The following NMI variants were observed in gnomAD, a reference collection of about 807,000 sequenced individuals.
The protein encoded by NMI is N-myc-interactor.
In NMI, 39 loss-of-function variants were observed where a neutral mutation model predicts 34.3. That is an observed-to-expected ratio of 1.14 (90% CI 0.88 to 1.49). The LOEUF is 1.49. NMI is among the 40% of genes most tolerant of loss of function. NMI has a pLI of 0.00. For synonymous variants in NMI, 113 were observed against 120.3 expected (o/e 0.94, Z 0.40); for missense variants, 339 against 358.1 (o/e 0.95, Z 0.43).
intron 1 of NMI, among the ~76,000 whole-genome samples, chr2:151,287,348 C>T (rs1401804438): frequency 6.6e-6 from 1 of 151,382 alleles, no homozygotes; most frequent in Admixed American, 6.6e-5. Context: ...CACACACACA[C>T]GCATACATAT....
At chr2:151,273,718 C>T (rs1034811276) in intron 6 of NMI, among the ~76,000 whole-genome samples, 6 of 151,906 alleles carry the variant, frequency 3.9e-5, no homozygotes, top group African/African-American at 1.5e-4. Flanking sequence ...GAAGGGGTCT[C>T]GCGATGTTGG....
chr2:151,275,549 T>A lies in NMI; in HGVS notation c.569A>T (p.Glu190Val). The A allele has an allele frequency of 6.2e-7, 1 of 1,614,176 alleles. No individual in the cohort carries two copies. The highest frequency in any genetic ancestry group is 1.7e-5 in the Admixed American group (1 of 60,016). The change falls in exon 6 of 8, where the codon GAG becomes GTG. Residue 190 changes from glutamate (E) to valine (V), a missense_variant. Coordinates refer to ENST00000243346, the MANE Select transcript of NMI (RefSeq NM_004688.3). ...TCTGTCATAGTCCACGCGGTCCACCTCTCCGCCTCCATTTCGGGACTTTGA... is the reference window on the plus strand; with the variant it reads ...TCTGTCATAGTCCACGCGGTCCACCACTCCGCCTCCATTTCGGGACTTTGA... Reference protein sequence around the residue: ...SFSKSRNGGGEVDRVDYDRQS... With the variant: ...SFSKSRNGGGVVDRVDYDRQS...
At position 151,278,926 on chromosome 2, in the gene NMI, C is replaced by T; in HGVS notation, c.242G>A (p.Ser81Asn). 6.2e-7 allele frequency: 1 copy of T among 1,611,284 alleles called. No individual in the cohort carries two copies. Among genetic ancestry groups the T allele is most frequent in the Non-Finnish European group, 8.5e-7 (1 of 1,177,674 alleles). Residue 81 changes from serine (S) to asparagine (N), a missense_variant, in exon 4 of 8, where the codon AGC (serine) becomes AAC (asparagine). Physicochemically the swap from Ser to Asn is conservative, Grantham distance 46. Transcript: ENST00000243346. ...CGAACAGGAGATATTTGACAACTGGCTGTCATTCTCAGGAGTTTCAACTGA... is the reference window on the plus strand; with the variant it reads ...CGAACAGGAGATATTTGACAACTGGTTGTCATTCTCAGGAGTTTCAACTGA... ...FLSVETPEND[S>N]QLSNISCSFQ...
In NMI at chr2:151,271,563, TA is replaced by T. The variant is rs992361337; in HGVS notation, c.741+62del. 3.2e-4 allele frequency: 273 copies of T among 849,350 alleles called. 1 individual carries two copies. The African/African-American group carries it at 4.2e-3, about 13-fold the overall frequency. 52.6% of individuals were successfully genotyped at this position (849,350 alleles called of 1,614,324 possible). A position where few individuals can be genotyped will look rare whatever the true frequency, so the allele number is the denominator to read the frequency against. On this transcript the variant is annotated intron_variant, in intron 7 of 7. Transcript: ENST00000243346. ...ATAAGTAACAGACTCACAACAACTT[TA>T]TTTTTTGTGGGGTGGGTTTGGGCAG...
Position 151,281,985 on chromosome 2 carries a change from A to C in NMI, c.140T>G (p.Leu47Arg), listed in dbSNP as rs751566737. 5.1e-6 allele frequency: 8 copies of C among 1,564,552 alleles called. No individual in the cohort carries two copies. The highest frequency in any genetic ancestry group is 1.7e-5 in the Admixed American group (1 of 58,800). The change falls in exon 3 of 8, where the codon CTT becomes CGT. Residue 47 changes from leucine to arginine, a missense_variant. Transcript: ENST00000243346. ...GGTAGCCTCTTGTAACTCCGTTTCA[A>C]GCTTTTGGATCTCCTTCTTTAGTTG... ...NIQLKKEIQK[L>R]ETELQEATKE...
chr2:151,280,215 T>C (rs1683364341), intron 3 of NMI, among the ~76,000 whole-genome samples: 1 of 87,546 alleles, frequency 1.1e-5, no homozygotes, highest in African/African-American at 4.5e-5. Flanking sequence ...AATTGTAACC[T>C]GAAAGATAAA....
Position 151,279,099 on chromosome 2 carries a change from A to C in NMI, c.178-109T>G, listed in dbSNP as rs994883379. 7.2e-6 allele frequency: 5 copies of C among 696,152 alleles called. No homozygotes were observed. In the South Asian group the frequency reaches 9.8e-5, roughly 14 times the overall value. 43.1% of individuals were successfully genotyped at this position (696,152 alleles called of 1,614,324 possible). On this transcript the variant is annotated intron_variant, in intron 3 of 7. Transcript: ENST00000243346. ...ATAATTCATTCCCCACTAATTTTAG[A>C]ACCTTGTAGAATATTGAGTATGGTC...
At chr2:151,289,245 T>C (rs1573751041) in intron 1 of NMI, among the ~76,000 whole-genome samples, 3 of 73,028 alleles carry the variant, frequency 4.1e-5, no homozygotes, top group African/African-American at 6.0e-5. Context: ...AGAGCGAGAC[T>C]CCGTCTCAAA....
Position 151,275,422 on chromosome 2 carries a change from A to T in NMI, c.634+62T>A, listed in dbSNP as rs527495574. The T allele has an allele frequency of 1.5e-5, 22 of 1,423,588 alleles. No individual in the cohort carries two copies. The African/African-American group carries it at 2.6e-4, about 17-fold the overall frequency. The allele number at this position is 1,423,588 out of a possible 1,614,324, so 88.2% of individuals were successfully genotyped here. ...AAAGAAGTAGAATAGGAATACTTTC[A>T]GAAACAACAGAACATGACTGAAATG... On this transcript the variant is annotated intron_variant, in intron 6 of 7. Coordinates refer to ENST00000243346, the MANE Select transcript of NMI (RefSeq NM_004688.3).
intron 7 of NMI, 61 bp downstream of exon 7, chr2:151,271,565 T>G: frequency 1.2e-6 from 1 of 856,628 alleles, no homozygotes. Context: ...AACAACTTTA[T>G]TTTTTGTGGG....
chr2:151,281,107 G>A (rs1487346858), intron 3 of NMI, among the ~76,000 whole-genome samples: 1 of 151,912 alleles, frequency 6.6e-6, no homozygotes, highest in Non-Finnish European at 1.5e-5. Flanking sequence ...CAAAGTGCTG[G>A]GATTACAGGC....
chr2:151,272,604 C>T (rs1054016048), intron 6 of NMI, among the ~76,000 whole-genome samples: 3 of 152,142 alleles, frequency 2.0e-5, no homozygotes, highest in Non-Finnish European at 4.4e-5. Flanking sequence ...AGCAGGGACT[C>T]GGACAGATAC....
At chr2:151,281,469 A>G (rs1683402395) in intron 3 of NMI, among the ~76,000 whole-genome samples, 1 of 152,214 alleles carries the variant, frequency 6.6e-6, no homozygotes, top group Non-Finnish European at 1.5e-5. Flanking sequence ...TAAGTACAGC[A>G]AGATGAAATT....
At chr2:151,272,553 C>T (rs1434810044) in intron 6 of NMI, among the ~76,000 whole-genome samples, 1 of 152,140 alleles carries the variant, frequency 6.6e-6, no homozygotes, top group Non-Finnish European at 1.5e-5. Context: ...ATGATATGAT[C>T]CAGCAATTCA....
At chr2:151,287,627 G>A (rs1456437434) in intron 1 of NMI, among the ~76,000 whole-genome samples, 1 of 151,844 alleles carries the variant, frequency 6.6e-6, no homozygotes, top group Non-Finnish European at 1.5e-5. Context: ...CCAAGCTCCC[G>A]AAGCCTTTTC....
At chr2:151,277,972 T>C (rs1573744393) in intron 4 of NMI, 1 of 152,208 alleles carries the variant, frequency 6.6e-6, no homozygotes. Context: ...ACTAACCGTA[T>C]AGACTTTAAG....
intron 1 of NMI, among the ~76,000 whole-genome samples, chr2:151,286,780 T>TA (rs1047276986): frequency 5.3e-5 from 8 of 152,198 alleles, no homozygotes; most frequent in Non-Finnish European, 7.3e-5. Flanking sequence ...TGAATTCCTT[T>TA]AAAAATCATT....
intron 1 of NMI, among the ~76,000 whole-genome samples, chr2:151,283,305 C>T (rs1009459318): frequency 6.6e-6 from 1 of 152,018 alleles, no homozygotes; most frequent in Admixed American, 6.6e-5. Flanking sequence ...CCATGCCCGG[C>T]TAATTTTTGT....
At position 151,281,413 on chromosome 2, in the gene NMI, A is replaced by G. The variant is rs539203471; in HGVS notation, c.177+535T>C. Among the ~76,000 whole-genome samples the G allele has an allele frequency of 3.3e-5, 5 of 152,320 alleles. No homozygotes were observed. The East Asian group carries it at 9.6e-4, about 29-fold the overall frequency. On this transcript the variant is annotated intron_variant, in intron 3 of 7. Coordinates refer to ENST00000243346, the MANE Select transcript of NMI (RefSeq NM_004688.3). The stretch of plus-strand genomic sequence containing the variant: ...AATTTTATTAATTTTTTGTTTTTGT[A>G]AATTTATTAAAGTGTACGTAAATAA...
Sources: allele counts gnomAD v4.1 joint callset (sites outside exome capture counted in the v4.1 genomes callset), GRCh38; gene constraint gnomAD v4.1.1; transcripts MANE v1.5; gene names NCBI Gene and HGNC (gene_info 2026-07-23, HGNC 2026-07-21).